FABP12: variants seen among roughly 807,000 people sequenced by gnomAD.
FABP12 encodes the protein fatty acid binding protein 12.
FABP12 carries 19 observed loss-of-function variants against 13.7 expected under a neutral mutation model. That is an observed-to-expected ratio of 1.39 (90% CI 0.97 to 2.04). FABP12 has a LOEUF of 2.04. Among genes scored for constraint, FABP12 ranks in the 30% most tolerant of loss-of-function variants. The pLI is 0.00. For synonymous variants in FABP12, 61 were observed against 57.0 expected (o/e 1.07, Z -0.32); for missense variants, 182 against 164.2 (o/e 1.11, Z -0.59).
chr8:81,536,777 T>C (rs999006792), upstream of FABP12, among the ~76,000 whole-genome samples: 1 of 152,210 alleles, frequency 6.6e-6, no homozygotes. Flanking sequence ...CTATGACCCA[T>C]ATACTAAATC....
chr8:81,533,451 A>G (rs1809136360), intron 1 of FABP12, among the ~76,000 whole-genome samples: 1 of 152,148 alleles, frequency 6.6e-6, no homozygotes, highest in Non-Finnish European at 1.5e-5. Context: ...CCAGCTTTTC[A>G]GACGATTCGC....
At chr8:81,569,619 A>G (rs1448348854) in intron 1 of FABP12, among the ~76,000 whole-genome samples, 1 of 152,218 alleles carries the variant, frequency 6.6e-6, no homozygotes, top group Non-Finnish European at 1.5e-5. Context: ...GAGACTGCAA[A>G]CACAGTACAT....
chr8:81,525,151 A>T (rs1335104429), intron 4 of FABP12, 31 bp from the exon 5 acceptor site: 5 of 1,338,474 alleles, frequency 3.7e-6, no homozygotes. Flanking sequence ...GAGGTATTTC[A>T]GTATAGTTAG....
intron 1 of FABP12, among the ~76,000 whole-genome samples, chr8:81,564,909 A>G (rs1039981512): frequency 2.0e-5 from 3 of 152,174 alleles, no homozygotes; most frequent in Non-Finnish European, 4.4e-5. Context: ...GGATTAAAAA[A>G]CAGGACCCAA....
chr8:81,538,339 CT>C (rs1809272958), upstream of FABP12, among the ~76,000 whole-genome samples: 1 of 152,196 alleles, frequency 6.6e-6, no homozygotes, highest in African/African-American at 2.4e-5. Flanking sequence ...GTGGGTTGAA[CT>C]GTGTCCACCA....
In FABP12 at chr8:81,544,320, C is replaced by A. The variant is rs535441448; in HGVS notation, c.-184-4577G>T. On this transcript the variant is annotated intron_variant, in intron 1 of 5. Transcript: ENST00000692030. ...AACGAGATGTTGGCAGGGACATGCTCCCTCTGAAGTTTCTAGGGGAAAATT... is the reference window on the plus strand; with the variant it reads ...AACGAGATGTTGGCAGGGACATGCTACCTCTGAAGTTTCTAGGGGAAAATT... 2.6e-5 allele frequency among the ~76,000 whole-genome samples: 4 copies of A among 152,318 alleles called. No homozygotes were observed. In the East Asian group the frequency reaches 7.7e-4, roughly 29 times the overall value.
At chr8:81,588,255 C>G (rs1014762427) in intron 1 of FABP12, among the ~76,000 whole-genome samples, 3 of 152,166 alleles carry the variant, frequency 2.0e-5, no homozygotes, top group Non-Finnish European at 2.9e-5. Context: ...AGCCTTTGGG[C>G]AGAGACTGTG....
At chr8:81,537,721 G>A (rs1431958691), upstream of FABP12, among the ~76,000 whole-genome samples, 1 of 152,124 alleles carries the variant, frequency 6.6e-6, no homozygotes, top group Non-Finnish European at 1.5e-5. Context: ...TGAGGCTCAG[G>A]GTGTTTCTGC....
At chr8:81,588,150 A>G (rs1810270555) in intron 1 of FABP12, among the ~76,000 whole-genome samples, 1 of 152,118 alleles carries the variant, frequency 6.6e-6, no homozygotes, top group African/African-American at 2.4e-5. Flanking sequence ...CGCAAATGTT[A>G]ATCTCCTTTG....
intron 1 of FABP12, among the ~76,000 whole-genome samples, chr8:81,547,854 A>T (rs569230574): frequency 6.6e-6 from 1 of 152,150 alleles, no homozygotes; most frequent in South Asian, 2.1e-4. Context: ...ATTCTTCAAT[A>T]CCATCATTAT....
upstream of FABP12, among the ~76,000 whole-genome samples, chr8:81,538,043 T>G (rs1220618163): frequency 6.6e-6 from 1 of 152,178 alleles, no homozygotes; most frequent in Non-Finnish European, 1.5e-5. Flanking sequence ...TCAGGAAGCT[T>G]ACAATCATGG....
At chr8:81,531,466 G>A in intron 1 of FABP12, 76 bp from the exon 2 acceptor site, 1 of 576,864 alleles carries the variant, frequency 1.7e-6, no homozygotes, top group Admixed American at 3.4e-5. Context: ...TCTAATCCTT[G>A]CAATGTTCCT....
At chr8:81,562,458 C>T (rs1809741136) in intron 1 of FABP12, among the ~76,000 whole-genome samples, 1 of 152,132 alleles carries the variant, frequency 6.6e-6, no homozygotes, top group Admixed American at 6.5e-5. Context: ...GGTAGAACAC[C>T]AGGTGTCATC....
chr8:81,565,525 T>G (rs1809804515), intron 1 of FABP12, among the ~76,000 whole-genome samples: 1 of 151,982 alleles, frequency 6.6e-6, no homozygotes, highest in African/African-American at 2.4e-5. Flanking sequence ...AAGAGGAATT[T>G]GGGGAACTAT....
intron 1 of FABP12, among the ~76,000 whole-genome samples, chr8:81,586,317 T>A (rs1238715167): frequency 6.6e-6 from 1 of 152,198 alleles, no homozygotes; most frequent in African/African-American, 2.4e-5. Context: ...CATGCATGTA[T>A]CTTTATGATA....
At chr8:81,580,601 G>T (rs555160377) in intron 1 of FABP12, among the ~76,000 whole-genome samples, 91 of 152,198 alleles carry the variant, frequency 6.0e-4, no homozygotes, top group African/African-American at 2.0e-3. Context: ...GTCTTCTTTA[G>T]TTGTTTTAAG....
chr8:81,529,239 T>C (rs1054417801), intron 3 of FABP12, 199 bp downstream of exon 3: 2 of 612,016 alleles, frequency 3.3e-6, no homozygotes, highest in African/African-American at 3.7e-5. Context: ...TTTCAGGGCC[T>C]CTGGCAGTGA....
chr8:81,555,563 T>C (rs1234452180), intron 1 of FABP12, among the ~76,000 whole-genome samples: 1 of 152,230 alleles, frequency 6.6e-6, no homozygotes, highest in Admixed American at 6.5e-5. Flanking sequence ...GAAAGAATAC[T>C]GTCACAAAGG....
chr8:81,536,482 T>G (rs368842799), upstream of FABP12, among the ~76,000 whole-genome samples: 8 of 152,296 alleles, frequency 5.3e-5, no homozygotes, highest in African/African-American at 1.7e-4. Flanking sequence ...GGACAAGACA[T>G]AGTGGGCACT....
Sources: gnomAD v4.1 joint callset for allele counts (sites outside exome capture counted in the v4.1 genomes callset) on GRCh38, gnomAD v4.1.1 for gene constraint, MANE v1.5 for transcripts, NCBI Gene and HGNC (gene_info 2026-07-23, HGNC 2026-07-21) for gene names.